SGCZ: variants seen among roughly 807,000 people sequenced by gnomAD.
SGCZ encodes the protein sarcoglycan zeta, also known as zeta-sarcoglycan.
A neutral mutation model predicts 41.3 loss-of-function variants in SGCZ; 40 were observed. That is an observed-to-expected ratio of 0.97 (90% CI 0.75 to 1.26). The LOEUF is 1.26. SGCZ is among the 50% of genes most tolerant of loss of function. The probability of loss-of-function intolerance (pLI) is 0.00; values close to 1 mark genes in which losing one functional copy is unlikely to be tolerated. For synonymous variants in SGCZ, 206 were observed against 137.5 expected, an observed-to-expected ratio of 1.50 and a Z score of -3.49; for missense variants, 552 against 369.8, an observed-to-expected ratio of 1.49 and a Z score of -4.04.
chr8:15,075,931 AC>A (rs1036004613), intron 1 of SGCZ, among the ~76,000 whole-genome samples: 3 of 151,204 alleles, frequency 2.0e-5, no homozygotes, highest in Admixed American at 1.3e-4. Flanking sequence ...AATATCCCAG[AC>A]CAAAAAAAAA....
At chr8:15,043,938 T>C (rs1015930608) in intron 1 of SGCZ, among the ~76,000 whole-genome samples, 1 of 152,060 alleles carries the variant, frequency 6.6e-6, no homozygotes, top group Non-Finnish European at 1.5e-5. Context: ...GCTAACCTAC[T>C]CCCACAAGGT....
At chr8:14,114,379 A>AT (rs1420545100) in intron 5 of SGCZ, among the ~76,000 whole-genome samples, 4 of 151,928 alleles carry the variant, frequency 2.6e-5, no homozygotes, top group Non-Finnish European at 4.4e-5. Flanking sequence ...AGCCAAAGTG[A>AT]TTTTTTTCTA....
At chr8:14,110,305 C>T (rs1443856361) in intron 5 of SGCZ, among the ~76,000 whole-genome samples, 2 of 152,026 alleles carry the variant, frequency 1.3e-5, no homozygotes, top group African/African-American at 2.4e-5. Context: ...ATAACTATTT[C>T]ATGATTATGA....
intron 1 of SGCZ, among the ~76,000 whole-genome samples, chr8:14,988,927 C>T (rs1029444377): frequency 6.6e-5 from 10 of 152,150 alleles, no homozygotes; most frequent in East Asian, 3.9e-4. Flanking sequence ...GCATTGATTA[C>T]GAAGCCTGGA....
intron 1 of SGCZ, among the ~76,000 whole-genome samples, chr8:15,219,348 A>G (rs1801515601): frequency 6.6e-6 from 1 of 152,230 alleles, no homozygotes; most frequent in Admixed American, 6.5e-5. Context: ...GTGCTCAGTT[A>G]AAATACATTG....
At chr8:14,458,541 C>T (rs1391905253) in intron 2 of SGCZ, among the ~76,000 whole-genome samples, 1 of 152,060 alleles carries the variant, frequency 6.6e-6, no homozygotes, top group East Asian at 1.9e-4. Flanking sequence ...AAAGAAACAC[C>T]ATGTTGGTGG....
intron 1 of SGCZ, among the ~76,000 whole-genome samples, chr8:14,725,008 C>T (rs911332773): frequency 6.6e-6 from 1 of 152,160 alleles, no homozygotes; most frequent in Admixed American, 6.5e-5. Context: ...CTCCCCACTA[C>T]ATTTCCCAGC....
At chr8:14,991,876 T>A (rs1276508602) in intron 1 of SGCZ, among the ~76,000 whole-genome samples, 1 of 150,864 alleles carries the variant, frequency 6.6e-6, no homozygotes, top group Non-Finnish European at 1.5e-5. Flanking sequence ...TTATCCTTGA[T>A]ATTTACCTCT....
At chr8:15,038,752 A>G (rs563734905) in intron 1 of SGCZ, among the ~76,000 whole-genome samples, 3 of 151,318 alleles carry the variant, frequency 2.0e-5, no homozygotes, top group African/African-American at 7.3e-5. Flanking sequence ...AAACTCAAGC[A>G]ATGCTTAAGC....
At chr8:14,669,335 A>T (rs1351429503) in intron 1 of SGCZ, among the ~76,000 whole-genome samples, 2 of 145,060 alleles carry the variant, frequency 1.4e-5, no homozygotes, top group African/African-American at 5.1e-5. Context: ...TCTAGCCTGG[A>T]CAACAGAGCA....
chr8:15,081,512 T>G (rs1805746548), intron 1 of SGCZ, among the ~76,000 whole-genome samples: 1 of 148,130 alleles, frequency 6.8e-6, no homozygotes, highest in Non-Finnish European at 1.5e-5. Flanking sequence ...TTTTTTACCC[T>G]CAATAAAGCA....
intron 4 of SGCZ, among the ~76,000 whole-genome samples, chr8:14,182,046 C>A (rs1804745747): frequency 6.6e-6 from 1 of 152,128 alleles, no homozygotes; most frequent in African/African-American, 2.4e-5. Context: ...TAGTTAGTTT[C>A]TCCTTTGCAT....
intron 3 of SGCZ, among the ~76,000 whole-genome samples, chr8:14,322,178 T>C (rs1801943415): frequency 6.6e-6 from 1 of 152,140 alleles, no homozygotes; most frequent in Non-Finnish European, 1.5e-5. Flanking sequence ...AAGAAGTGTA[T>C]GAGTCCACTC....
At position 15,158,500 on chromosome 8, in the gene SGCZ, T is replaced by C. The variant is rs188412028; in HGVS notation, c.39+79085A>G. On this transcript the variant is annotated intron_variant, in intron 1 of 7. Coordinates refer to ENST00000382080, the MANE Select transcript of SGCZ (RefSeq NM_139167.4). ...TTAATCTAAAAGGTGCATAGTGTGA[T>C]TTAATATTTTTCATGAGTAGTAAGA... 1.2e-3 allele frequency among the ~76,000 whole-genome samples: 185 copies of C among 152,342 alleles called. 1 individual carries two copies. The highest frequency in any genetic ancestry group is 4.3e-3 in the African/African-American group (179 of 41,574).
At chr8:15,049,292 A>G (rs1804429661) in intron 1 of SGCZ, among the ~76,000 whole-genome samples, 1 of 152,112 alleles carries the variant, frequency 6.6e-6, no homozygotes, top group Non-Finnish European at 1.5e-5. Flanking sequence ...ATATATACAA[A>G]GGCCTTTCTT....
intron 1 of SGCZ, among the ~76,000 whole-genome samples, chr8:15,209,851 T>A (rs1046389701): frequency 6.6e-6 from 1 of 152,188 alleles, no homozygotes; most frequent in Non-Finnish European, 1.5e-5. Flanking sequence ...TATACATTGT[T>A]CTTAGCTAAT....
chr8:15,191,568 T>A (rs1026027055), intron 1 of SGCZ, among the ~76,000 whole-genome samples: 7 of 151,260 alleles, frequency 4.6e-5, no homozygotes, highest in Non-Finnish European at 1.0e-4. Flanking sequence ...CTCCACTAAT[T>A]CATCATTGTT....
At chr8:14,287,056 A>G (rs1667323095) in intron 3 of SGCZ, among the ~76,000 whole-genome samples, 1 of 151,906 alleles carries the variant, frequency 6.6e-6, no homozygotes, top group South Asian at 2.1e-4. Flanking sequence ...TATTTCTCTA[A>G]TAGAGTATTT....
At chr8:14,502,135 T>A (rs918805517) in intron 2 of SGCZ, among the ~76,000 whole-genome samples, 3 of 152,106 alleles carry the variant, frequency 2.0e-5, no homozygotes, top group African/African-American at 7.2e-5. Flanking sequence ...CTAGAATTGT[T>A]AGCTAGTAAG....
Sources: gnomAD v4.1 joint callset for allele counts (sites outside exome capture counted in the v4.1 genomes callset) on GRCh38, gnomAD v4.1.1 for gene constraint, MANE v1.5 for transcripts, NCBI Gene and HGNC (gene_info 2026-07-23, HGNC 2026-07-21) for gene names.